GC: variants seen among roughly 807,000 people sequenced by gnomAD.
The protein encoded by GC is GC vitamin D binding protein.
A neutral mutation model predicts 56.7 loss-of-function variants in GC; 43 were observed. The observed-to-expected ratio is 0.76, with a 90% CI of 0.59 to 0.98. GC has a LOEUF of 0.98. GC is among the 50% of genes least tolerant of loss of function. GC has a pLI of 0.00. For synonymous variants in GC, 216 were observed against 202.7 expected (o/e 1.07, Z -0.56); for missense variants, 529 against 545.9 (o/e 0.97, Z 0.31).
chr4:71,762,987 C>G (rs1478868525), intron 6 of GC, among the ~76,000 whole-genome samples: 1 of 152,146 alleles, frequency 6.6e-6, no homozygotes, highest in Non-Finnish European at 1.5e-5. Context: ...CTGTATAGCA[C>G]AAGTCTTCAT....
chr4:71,751,428 G>A (rs191626148), intron 11 of GC, among the ~76,000 whole-genome samples: 146 of 152,246 alleles, frequency 9.6e-4, no homozygotes, highest in Non-Finnish European at 1.9e-3. Context: ...AAACCAATAG[G>A]CCTCAGATGT....
At chr4:71,762,624 G>A (rs1742016982) in intron 6 of GC, among the ~76,000 whole-genome samples, 1 of 152,170 alleles carries the variant, frequency 6.6e-6, no homozygotes, top group Non-Finnish European at 1.5e-5. Flanking sequence ...ATTTCCACAT[G>A]TCATAGGAAG....
chr4:71,765,460 T>G lies in GC; in HGVS notation c.445A>C (p.Arg149=), dbSNP rs748021371. The change falls in exon 4 of 13, where the codon AGG becomes CGG. Residue 149 remains arginine, a synonymous_variant. Transcript: ENST00000273951. ...TTAGCATATTCCTTTGGATCTTTCC[T>G]GAACGCCTCACAGATTTCATCATTT... is the stretch of plus-strand genomic sequence containing the variant. ...PTNDEICEAF[R]KDPKEYANQF... is the part of the protein sequence containing the mutation. The G allele has an allele frequency of 1.9e-5, 31 of 1,613,796 alleles. No homozygotes were observed. The highest frequency in any genetic ancestry group is 2.4e-5 in the Non-Finnish European group (28 of 1,179,902).
intron 1 of GC, among the ~76,000 whole-genome samples, chr4:71,791,837 C>T (rs1742975207): frequency 6.6e-6 from 1 of 152,002 alleles, no homozygotes; most frequent in African/African-American, 2.4e-5. Flanking sequence ...CCTGACAGGC[C>T]CCTGTGTGTG....
At chr4:71,788,486 G>C (rs1354724770), upstream of GC, among the ~76,000 whole-genome samples, 1 of 151,538 alleles carries the variant, frequency 6.6e-6, no homozygotes, top group Non-Finnish European at 1.5e-5. Context: ...TACTAAGGCT[G>C]TAGTAGTTTA....
upstream of GC, chr4:71,784,417 C>G: frequency 1.7e-6 from 1 of 574,074 alleles, no homozygotes; most frequent in Non-Finnish European, 2.2e-6. Context: ...TCTTTGGACA[C>G]CCCACCTTTC....
In GC at chr4:71,754,984, A is replaced by G. The variant is rs1741715803; in HGVS notation, c.1158T>C (p.Asn386=). 2 of 1,578,348 alleles carry G rather than the reference A, an allele frequency of 1.3e-6. No homozygotes were observed. Among genetic ancestry groups the G allele is most frequent in the African/African-American group, 1.4e-5 (1 of 72,620 alleles). The change falls in exon 9 of 13, where the codon AAT becomes AAC. Residue 386 remains asparagine (N), a synonymous_variant. Coordinates refer to ENST00000273951, the MANE Select transcript of GC (RefSeq NM_000583.4). The stretch of plus-strand genomic sequence containing the variant: ...GAAAATCCAACAAATATACCTTAGC[A>G]TTAAAACAGGTAGTTGAGTCTTCAA... ...CDVEDSTTCF[N]AKGPLLKKEL... is the part of the protein sequence containing the mutation.
upstream of GC, among the ~76,000 whole-genome samples, chr4:71,785,632 A>G (rs1257494784): frequency 6.6e-6 from 1 of 151,778 alleles, no homozygotes; most frequent in Non-Finnish European, 1.5e-5. Context: ...ATGGTCAAGG[A>G]GATAGCTTTC....
At chr4:71,805,083 A>T, upstream of GC, among the ~76,000 whole-genome samples, 1 of 152,044 alleles carries the variant, frequency 6.6e-6, no homozygotes. Flanking sequence ...ATTTCTGCCC[A>T]CTTGTTCCCA....
intron 11 of GC, among the ~76,000 whole-genome samples, chr4:71,751,287 G>A (rs1056285073): frequency 6.6e-6 from 1 of 152,090 alleles, no homozygotes; most frequent in African/African-American, 2.4e-5. Flanking sequence ...AGAAGTCGAA[G>A]CATAGCTCAG....
chr4:71,754,292 C>A, intron 10 of GC, 119 bp downstream of exon 10: 1 of 609,306 alleles, frequency 1.6e-6, no homozygotes, highest in Non-Finnish European at 2.9e-6. Flanking sequence ...CCTAATTGAA[C>A]CTCCTTTTGT....
chr4:71,763,343 C>G (rs1411293622), intron 6 of GC, 65 bp downstream of exon 6: 1 of 766,998 alleles, frequency 1.3e-6, no homozygotes, highest in East Asian at 2.6e-5. Flanking sequence ...TAAAAAAACC[C>G]TAATATTATG....
intron 1 of GC, among the ~76,000 whole-genome samples, chr4:71,779,397 G>T (rs567361098): frequency 6.6e-6 from 1 of 151,924 alleles, no homozygotes; most frequent in Admixed American, 6.6e-5. Flanking sequence ...AATGGACTTG[G>T]AGTAGATGCC....
In GC at chr4:71,769,253, G is replaced by A. The variant is rs112205706; in HGVS notation, c.128+78C>T. On this transcript the variant is annotated intron_variant, in intron 2 of 12. Transcript: ENST00000273951. ...GCAAGGATTAAGGATTAACCTCCAT[G>A]CTGAGTCAAAGTTACCTCACACTCA... 5,187 of 1,043,166 alleles carry A rather than the reference G, an allele frequency of 5.0e-3. 160 individuals carry two copies. The African/African-American group carries it at 0.069, about 14-fold the overall frequency. 64.6% of individuals were successfully genotyped at this position (1,043,166 alleles called of 1,614,324 possible).
chr4:71,780,535 A>T (rs1319930173), intron 1 of GC, among the ~76,000 whole-genome samples: 1 of 150,470 alleles, frequency 6.6e-6, no homozygotes, highest in Non-Finnish European at 1.5e-5. Flanking sequence ...ACAAATTTAT[A>T]AGAAAAAAAC....
rs1578308789 is a variant in GC, at chr4:71,775,666, T to C, written c.59-6266A>G. On this transcript the variant is annotated intron_variant, in intron 1 of 12. Coordinates refer to ENST00000273951, the MANE Select transcript of GC (RefSeq NM_000583.4). ...AAAATAGACAAATGGGATTGCATCA[T>C]ACTAAAAGGCTACTGCACAGCAAAA... Among the ~76,000 whole-genome samples, 9 of 151,896 alleles carry C rather than the reference T, an allele frequency of 5.9e-5. No homozygotes were observed. In the South Asian group the frequency reaches 1.9e-3, roughly 32 times the overall value.
At chr4:71,787,318 G>A (rs1476433316), upstream of GC, among the ~76,000 whole-genome samples, 2 of 151,804 alleles carry the variant, frequency 1.3e-5, no homozygotes, top group African/African-American at 2.4e-5. Context: ...AATTAGGTAC[G>A]GTTGAACTAC....
At position 71,800,067 on chromosome 4, in the gene GC, CTT is replaced by C. The variant is rs36039057; in HGVS notation, c.21+3857_21+3858del. Among the ~76,000 whole-genome samples, 888 of 148,370 alleles carry C rather than the reference CTT, an allele frequency of 6.0e-3. 36 individuals carry two copies. In the East Asian group the frequency reaches 0.12, roughly 20 times the overall value. Reference sequence around the variant, plus strand: ...AGATTTATAGCTGACACTTCACTTCCTTTTTTTTTTTTTAATTTTACTTTAAT... The same window carrying C: ...AGATTTATAGCTGACACTTCACTTCCTTTTTTTTTTTAATTTTACTTTAAT... On this transcript the variant is annotated intron_variant, in intron 1 of 13. Coordinates refer to the GC transcript ENST00000504199.
chr4:71,791,021 C>T (rs1245038246), intron 1 of GC, among the ~76,000 whole-genome samples: 1 of 151,818 alleles, frequency 6.6e-6, no homozygotes, highest in African/African-American at 2.4e-5. Flanking sequence ...ATTTATGCAG[C>T]CAAAAAACAC....
Sources: allele counts gnomAD v4.1 joint callset (sites outside exome capture counted in the v4.1 genomes callset), GRCh38; gene constraint gnomAD v4.1.1; transcripts MANE v1.5; gene names NCBI Gene and HGNC (gene_info 2026-07-23, HGNC 2026-07-21).